The following EFCAB6 variants were observed in gnomAD, a reference collection of about 807,000 sequenced individuals.
The protein encoded by EFCAB6 is EF-hand calcium-binding domain-containing protein 6.
In EFCAB6, 156 loss-of-function variants were observed where a neutral mutation model predicts 169.8. The observed-to-expected ratio is 0.92, with a 90% CI of 0.81 to 1.05. The LOEUF is 1.05. Among genes scored for constraint, EFCAB6 ranks in the 50% least tolerant of loss-of-function variants. The pLI, the probability that EFCAB6 is intolerant of heterozygous loss-of-function variation, is 0.00. For synonymous variants in EFCAB6, 698 were observed against 676.4 expected (o/e 1.03, Z -0.50); for missense variants, 1,800 against 1,829.1 (o/e 0.98, Z 0.29).
At chr22:43,589,331 G>T (rs1602454153) in intron 24 of EFCAB6, among the ~76,000 whole-genome samples, 1 of 68,130 alleles carries the variant, frequency 1.5e-5, no homozygotes, top group South Asian at 5.3e-4. Flanking sequence ...AGAAGTACAG[G>T]TACATTCACT....
chr22:43,688,939 T>A (rs939187923), intron 10 of EFCAB6, among the ~76,000 whole-genome samples: 1 of 152,242 alleles, frequency 6.6e-6, no homozygotes, highest in African/African-American at 2.4e-5. Flanking sequence ...ACAAATTCTT[T>A]ATCTACATCT....
chr22:43,621,842 A>C (rs1210339878), intron 20 of EFCAB6, among the ~76,000 whole-genome samples: 1 of 152,212 alleles, frequency 6.6e-6, no homozygotes, highest in East Asian at 1.9e-4. Context: ...AAAGTGATAA[A>C]TGAAATAAGG....
chr22:43,742,444 A>G (rs1310024545), intron 6 of EFCAB6, among the ~76,000 whole-genome samples: 1 of 152,130 alleles, frequency 6.6e-6, no homozygotes, highest in Non-Finnish European at 1.5e-5. Flanking sequence ...CACCCTATAC[A>G]CCATCCTCGC....
intron 7 of EFCAB6, among the ~76,000 whole-genome samples, chr22:43,733,375 A>G (rs913479196): frequency 1.1e-4 from 16 of 152,230 alleles, no homozygotes; most frequent in African/African-American, 3.9e-4. Flanking sequence ...CTGCTCATAA[A>G]TGATTTCACC....
rs1399666348 is a variant in EFCAB6, at chr22:43,572,606, T to G, written c.3420+3691A>C. On this transcript the variant is annotated intron_variant, in intron 26 of 31. Transcript: ENST00000262726. This position sits in a 1 kb window ranked among gnomAD's most constrained non-coding sequence, Gnocchi z 4.0. Reference sequence around the variant, plus strand: ...CCCCAAACCAGTTGGCCCCTTCCTGTGGATGCCATCGCACTAGCAGTGCCG... The same window carrying G: ...CCCCAAACCAGTTGGCCCCTTCCTGGGGATGCCATCGCACTAGCAGTGCCG... 6.6e-6 allele frequency among the ~76,000 whole-genome samples: 1 copy of G among 152,198 alleles called. No individual in the cohort carries two copies.
chr22:43,717,644 T>C (rs993168748), intron 8 of EFCAB6, among the ~76,000 whole-genome samples: 1 of 152,152 alleles, frequency 6.6e-6, no homozygotes, highest in African/African-American at 2.4e-5. Flanking sequence ...TTAACATTTT[T>C]TTCTACTGGT....
chr22:43,591,678 T>C (rs1425267303), intron 23 of EFCAB6, among the ~76,000 whole-genome samples: 1 of 152,090 alleles, frequency 6.6e-6, no homozygotes, highest in African/African-American at 2.4e-5. Context: ...ACACTCACAG[T>C]GAGGGAGACA....
chr22:43,697,663 T>C (rs1165938784), intron 10 of EFCAB6, among the ~76,000 whole-genome samples: 6 of 152,120 alleles, frequency 3.9e-5, no homozygotes, highest in African/African-American at 1.4e-4. Context: ...AACAGCTGAT[T>C]ATTTTGCTCC....
At chr22:43,643,855 G>A (rs572299524) in intron 17 of EFCAB6, among the ~76,000 whole-genome samples, 12 of 150,276 alleles carry the variant, frequency 8.0e-5, no homozygotes, top group Non-Finnish European at 1.6e-4. Context: ...ACAGAGTCTC[G>A]CTCTGTCACC....
intron 6 of EFCAB6, 35 bp from the exon 7 acceptor site, chr22:43,736,028 G>C (rs761469093): frequency 1.3e-6 from 2 of 1,575,262 alleles, no homozygotes; most frequent in South Asian, 2.4e-5. Context: ...AAAGTCAAAA[G>C]ATCTAGTGTT....
chr22:43,667,357 C>A, intron 16 of EFCAB6, 85 bp from the exon 17 acceptor site: 1 of 1,493,522 alleles, frequency 6.7e-7, no homozygotes, highest in Non-Finnish European at 9.1e-7. Flanking sequence ...TTCCATGTAA[C>A]CCATGACAGT....
intron 8 of EFCAB6, among the ~76,000 whole-genome samples, chr22:43,722,370 A>C (rs2059565323): frequency 6.6e-6 from 1 of 152,198 alleles, no homozygotes; most frequent in Admixed American, 6.5e-5. Flanking sequence ...ACTTAAAAAA[A>C]AAAAATTAAA....
intron 17 of EFCAB6, among the ~76,000 whole-genome samples, chr22:43,662,658 G>A (rs1556014992): frequency 1.3e-5 from 2 of 152,066 alleles, no homozygotes; most frequent in Non-Finnish European, 2.9e-5. Flanking sequence ...AGGACAGGAA[G>A]AATTAAAAAG....
chr22:43,596,152 G>A (rs1369148983), intron 23 of EFCAB6, among the ~76,000 whole-genome samples: 2 of 151,976 alleles, frequency 1.3e-5, no homozygotes, highest in Non-Finnish European at 2.9e-5. Flanking sequence ...ACTAACCAGG[G>A]AAAAGTTGAA....
chr22:43,717,013 A>C (rs1290821214), intron 8 of EFCAB6, 41 bp from the exon 9 acceptor site: 2 of 1,423,060 alleles, frequency 1.4e-6, no homozygotes, highest in Middle Eastern at 1.9e-4. Context: ...ACATTGTCAA[A>C]GGTTAAACAT....
At chr22:43,783,743 C>T (rs1167963521) in intron 2 of EFCAB6, among the ~76,000 whole-genome samples, 3 of 152,170 alleles carry the variant, frequency 2.0e-5, no homozygotes, top group Admixed American at 6.5e-5. Context: ...ATGATTTCCA[C>T]AACTACTACA....
chr22:43,768,936 T>C (rs1288748788), intron 4 of EFCAB6, among the ~76,000 whole-genome samples: 3 of 152,228 alleles, frequency 2.0e-5, no homozygotes, highest in African/African-American at 7.2e-5. Context: ...TTTACAAGGA[T>C]GAATGTTCTT....
intron 13 of EFCAB6, among the ~76,000 whole-genome samples, chr22:43,676,535 T>C (rs1394189373): frequency 6.6e-6 from 1 of 151,228 alleles, no homozygotes; most frequent in Admixed American, 6.6e-5. Flanking sequence ...TATCGCTGAG[T>C]GTTGGGATTT....
intron 6 of EFCAB6, among the ~76,000 whole-genome samples, chr22:43,740,421 T>C (rs1318786310): frequency 6.6e-6 from 1 of 152,182 alleles, no homozygotes; most frequent in Non-Finnish European, 1.5e-5. Flanking sequence ...AGCCACGATC[T>C]GCAGAAGCCT....
Sources: allele counts gnomAD v4.1 joint callset (sites outside exome capture counted in the v4.1 genomes callset), GRCh38; gene constraint gnomAD v4.1.1; non-coding constraint Gnocchi (gnomAD v3.1); transcripts MANE v1.5; gene names NCBI Gene and HGNC (gene_info 2026-07-23, HGNC 2026-07-21).